The following NXPH2 variants were observed in gnomAD, a reference collection of about 807,000 sequenced individuals.
NXPH2 encodes the protein neurexophilin-2.
A neutral mutation model predicts 19.8 loss-of-function variants in NXPH2; 5 were observed. The observed-to-expected ratio is 0.25, with a 90% CI of 0.13 to 0.53. The LOEUF is 0.53. NXPH2 is among the 20% of genes least tolerant of loss of function. NXPH2 has a pLI of 0.96. For synonymous variants in NXPH2, 154 were observed against 127.4 expected (o/e 1.21, Z -1.41); for missense variants, 289 against 322.8 (o/e 0.90, Z 0.80).
intron 1 of NXPH2, among the ~76,000 whole-genome samples, chr2:138,755,323 T>C (rs1681890732): frequency 6.6e-6 from 1 of 152,124 alleles, no homozygotes; most frequent in Non-Finnish European, 1.5e-5. Flanking sequence ...TTTATGTCTA[T>C]GGTCTGTTTT....
At chr2:138,724,099 A>G (rs1229350572) in intron 1 of NXPH2, among the ~76,000 whole-genome samples, 1 of 151,748 alleles carries the variant, frequency 6.6e-6, no homozygotes, top group African/African-American at 2.4e-5. Context: ...CCTACCCTCC[A>G]CTTTCTGAAA....
At chr2:138,711,838 G>A (rs929534235) in intron 1 of NXPH2, among the ~76,000 whole-genome samples, 2 of 152,114 alleles carry the variant, frequency 1.3e-5, no homozygotes, top group African/African-American at 4.8e-5. Context: ...TCTACGTTTT[G>A]TTTAAGGATA....
intron 1 of NXPH2, among the ~76,000 whole-genome samples, chr2:138,742,945 GCAA>G (rs915489062): frequency 1.7e-4 from 26 of 152,170 alleles, no homozygotes; most frequent in African/African-American, 5.5e-4. Flanking sequence ...ACCACAAACA[GCAA>G]CAACATTTTT....
chr2:138,758,030 G>A (rs1275420774), intron 1 of NXPH2, among the ~76,000 whole-genome samples: 1 of 152,082 alleles, frequency 6.6e-6, no homozygotes, highest in Non-Finnish European at 1.5e-5. Context: ...GCACAAGGAT[G>A]AATGAACCAA....
At chr2:138,698,315 T>C (rs1680860585) in intron 1 of NXPH2, among the ~76,000 whole-genome samples, 2 of 152,198 alleles carry the variant, frequency 1.3e-5, no homozygotes, top group Non-Finnish European at 2.9e-5. Flanking sequence ...GTATATAAAG[T>C]ACTATTTCAA....
chr2:138,715,822 C>T (rs572704319), intron 1 of NXPH2, among the ~76,000 whole-genome samples: 2 of 152,170 alleles, frequency 1.3e-5, no homozygotes, highest in Admixed American at 1.3e-4. Flanking sequence ...AGAATCCCTT[C>T]CCAGTCTCAT....
At chr2:138,694,541 A>G (rs774928370) in intron 1 of NXPH2, among the ~76,000 whole-genome samples, 5 of 152,134 alleles carry the variant, frequency 3.3e-5, no homozygotes, top group Non-Finnish European at 7.4e-5. Flanking sequence ...CAGAAGCTGG[A>G]AGAGGTGAGG....
At chr2:138,687,653 T>C (rs993779388) in intron 1 of NXPH2, among the ~76,000 whole-genome samples, 2 of 152,188 alleles carry the variant, frequency 1.3e-5, no homozygotes, top group African/African-American at 4.8e-5. Flanking sequence ...GGTTTTCTTA[T>C]AGGGTTTTAT....
intron 1 of NXPH2, among the ~76,000 whole-genome samples, chr2:138,732,522 T>G (rs1681468035): frequency 6.6e-6 from 1 of 152,184 alleles, no homozygotes; most frequent in South Asian, 2.1e-4. Flanking sequence ...TCCTTCCAAG[T>G]AAGGTGAGAT....
chr2:138,678,029 T>C (rs1680512357), intron 1 of NXPH2, among the ~76,000 whole-genome samples: 1 of 152,206 alleles, frequency 6.6e-6, no homozygotes, highest in Non-Finnish European at 1.5e-5. Flanking sequence ...TTAATGTCTT[T>C]TATTTGCTCC....
chr2:138,740,246 G>A (rs1681621808), intron 1 of NXPH2, among the ~76,000 whole-genome samples: 1 of 152,152 alleles, frequency 6.6e-6, no homozygotes, highest in Non-Finnish European at 1.5e-5. Flanking sequence ...TAGGAAGAGA[G>A]GGCTGTAGAA....
At chr2:138,752,341 G>A (rs1681840617) in intron 1 of NXPH2, among the ~76,000 whole-genome samples, 2 of 152,074 alleles carry the variant, frequency 1.3e-5, no homozygotes, top group Admixed American at 6.6e-5. Context: ...ATTAACAACG[G>A]AGAATTCAGG....
chr2:138,677,255 T>A (rs371155657), intron 1 of NXPH2, among the ~76,000 whole-genome samples: 1 of 152,324 alleles, frequency 6.6e-6, no homozygotes, highest in Admixed American at 6.5e-5. Context: ...ATAATAATAA[T>A]GCAAAAACAT....
At chr2:138,724,890 A>G (rs537196093) in intron 1 of NXPH2, among the ~76,000 whole-genome samples, 2 of 152,352 alleles carry the variant, frequency 1.3e-5, no homozygotes, top group South Asian at 4.1e-4. Context: ...AATAAATACC[A>G]TTACGCACAG....
At chr2:138,673,194 A>T (rs1412473581) in intron 1 of NXPH2, among the ~76,000 whole-genome samples, 1 of 152,170 alleles carries the variant, frequency 6.6e-6, no homozygotes, top group Non-Finnish European at 1.5e-5. Flanking sequence ...ACATTTTGAG[A>T]ACCTAAATCC....
chr2:138,751,114 A>C (rs1294413713), intron 1 of NXPH2, among the ~76,000 whole-genome samples: 1 of 132,724 alleles, frequency 7.5e-6, no homozygotes, highest in African/African-American at 2.8e-5. Flanking sequence ...ACTTACTGCT[A>C]TTTTCTATCT....
At chr2:138,673,676 A>C (rs1251628318) in intron 1 of NXPH2, among the ~76,000 whole-genome samples, 2 of 150,344 alleles carry the variant, frequency 1.3e-5, no homozygotes, top group African/African-American at 4.9e-5. Flanking sequence ...ATGGGGTCTC[A>C]GTTTGATGCC....
intron 1 of NXPH2, among the ~76,000 whole-genome samples, chr2:138,758,638 A>G (rs1255031815): frequency 2.0e-5 from 3 of 152,160 alleles, no homozygotes; most frequent in African/African-American, 7.2e-5. Context: ...TTAGTTTGTC[A>G]AGTTATATGC....
chr2:138,696,442 C>T (rs769636182), intron 1 of NXPH2, among the ~76,000 whole-genome samples: 1 of 151,938 alleles, frequency 6.6e-6, no homozygotes, highest in Non-Finnish European at 1.5e-5. Context: ...AATAATTGAG[C>T]CAAAGAAAAT....
Sources: allele counts gnomAD v4.1 joint callset (sites outside exome capture counted in the v4.1 genomes callset), GRCh38; gene constraint gnomAD v4.1.1; transcripts MANE v1.5; gene names NCBI Gene and HGNC (gene_info 2026-07-23, HGNC 2026-07-21).